FMO1: variants seen among roughly 807,000 people sequenced by gnomAD.
The protein encoded by FMO1 is flavin-containing monooxygenase 1.
A neutral mutation model predicts 45.4 loss-of-function variants in FMO1; 36 were observed. The ratio of observed to expected loss-of-function variants is 0.79; its 90% CI spans 0.61 to 1.05. The LOEUF (loss-of-function observed/expected upper bound fraction) is 1.05. FMO1 is among the 50% of genes least tolerant of loss of function. The pLI, the probability that FMO1 is intolerant of heterozygous loss-of-function variation, is 0.00. For synonymous variants in FMO1, 228 were observed against 227.2 expected, an observed-to-expected ratio of 1.00 and a Z score of -0.03; for missense variants, 615 against 640.3, an observed-to-expected ratio of 0.96 and a Z score of 0.43.
chr1:171,280,696 T>C, intron 5 of FMO1, 90 bp from the exon 6 acceptor site: 1 of 1,096,918 alleles, frequency 9.1e-7, no homozygotes, highest in Non-Finnish European at 1.4e-6. Context: ...TTTCAGTGCC[T>C]TTCCATTCAT....
intron 1 of FMO1, among the ~76,000 whole-genome samples, chr1:171,255,094 C>A (rs2101793712): frequency 6.6e-6 from 1 of 152,312 alleles, no homozygotes; most frequent in African/African-American, 2.4e-5. Flanking sequence ...AATCACAGAT[C>A]TGAGTTGATA....
At chr1:171,252,230 G>A (rs894625821) in intron 1 of FMO1, among the ~76,000 whole-genome samples, 1 of 152,062 alleles carries the variant, frequency 6.6e-6, no homozygotes, top group African/African-American at 2.4e-5. Context: ...CAGATCCTCC[G>A]ATCCCACCCC....
chr1:171,279,745 T>C (rs1430176224), intron 5 of FMO1, among the ~76,000 whole-genome samples: 1 of 152,198 alleles, frequency 6.6e-6, no homozygotes, highest in African/African-American at 2.4e-5. Context: ...TTATTCTCTT[T>C]ACCTGAAAAA....
At chr1:171,253,144 C>T (rs1041074350) in intron 1 of FMO1, among the ~76,000 whole-genome samples, 6 of 152,150 alleles carry the variant, frequency 3.9e-5, no homozygotes, top group African/African-American at 1.4e-4. Context: ...ACTTTGAAAC[C>T]GACTTTGTGT....
Position 171,282,010 on chromosome 1 carries a change from A to G in FMO1, c.860A>G (p.Glu287Gly), listed in dbSNP as rs776387460. ...TQLKEFVLND[E>G]LPGRIITGKV... ...CTGAAAGAGTTTGTGCTAAATGATG[A>G]GCTCCCAGGACGCATCATCACTGGG... Residue 287 changes from glutamate (E) to glycine (G), a missense_variant, in exon 7 of 9, where the codon GAG (glutamate) becomes GGG (glycine). Transcript: ENST00000617670. 6 of 1,610,722 alleles carry G rather than the reference A, an allele frequency of 3.7e-6. No homozygotes were observed. The African/African-American group carries it at 8.0e-5, about 22-fold the overall frequency.
intron 2 of FMO1, among the ~76,000 whole-genome samples, chr1:171,263,023 G>T (rs1466030302): frequency 6.6e-6 from 1 of 152,194 alleles, no homozygotes; most frequent in Non-Finnish European, 1.5e-5. Flanking sequence ...TCTCTATTTA[G>T]GGGTGAATTT....
At chr1:171,267,907 G>T (rs2101816794) in intron 3 of FMO1, among the ~76,000 whole-genome samples, 176 bp downstream of exon 3, 1 of 152,294 alleles carries the variant, frequency 6.6e-6, no homozygotes, top group African/African-American at 2.4e-5. Context: ...ATCTGGAGGT[G>T]GGGGAGGATA....
intron 3 of FMO1, among the ~76,000 whole-genome samples, chr1:171,269,517 T>C (rs900579995): frequency 7.9e-5 from 12 of 152,312 alleles, no homozygotes; most frequent in Non-Finnish European, 1.6e-4. Flanking sequence ...TCAGTATTCC[T>C]CCTGAAATTA....
intron 3 of FMO1, chr1:171,271,312 T>G (rs1365359712): frequency 7.5e-7 from 1 of 1,332,644 alleles, no homozygotes; most frequent in Non-Finnish European, 1.0e-6. Flanking sequence ...CTTGGGTGCA[T>G]TGGGATCCTT....
chr1:171,250,662 C>T (rs114710933), intron 1 of FMO1, among the ~76,000 whole-genome samples: 2,511 of 152,304 alleles, frequency 0.016, 38 homozygotes, highest in Middle Eastern at 0.044. Context: ...TTTATACAAC[C>T]AATAGCGATT....
At chr1:171,285,081 GA>G in intron 8 of FMO1, 120 bp from the exon 9 acceptor site, 1 of 616,492 alleles carries the variant, frequency 1.6e-6, no homozygotes, top group South Asian at 2.4e-5. Context: ...AAATAAAGGG[GA>G]AAATGCAGAA....
chr1:171,282,346 A>T lies in FMO1; in HGVS notation c.1183+13A>T, dbSNP rs529673082. The T allele has an allele frequency of 2.4e-5, 37 of 1,558,222 alleles. No homozygotes were observed. In the South Asian group the frequency reaches 4.1e-4, roughly 17 times the overall value. On this transcript the variant is annotated intron_variant, in intron 7 of 8. Coordinates refer to ENST00000617670, the MANE Select transcript of FMO1 (RefSeq NM_001282693.2). ...CGAGTCCTGAAAGGTAAGTATAAGA[A>T]ATAGCAGGGCATGTGTTTTTGGTGT... is the stretch of plus-strand genomic sequence containing the variant.
In FMO1 at chr1:171,285,299, A is replaced by G. The variant is rs772520225; in HGVS notation, c.1354A>G (p.Met452Val). The change falls in exon 9 of 9, where the codon ATG becomes GTG. Residue 452 changes from methionine to valine, a missense_variant. Met to Val is a conservative substitution (Grantham distance 21, BLOSUM62 1). Transcript: ENST00000617670. ...CAATGCAAAACCCAACCTGTTCTCT[A>G]TGCTCCTAACGGATCCACATCTGGC... ...YINAKPNLFS[M>V]LLTDPHLALT... is the part of the protein sequence containing the mutation. 2 of 1,613,938 alleles carry G rather than the reference A, an allele frequency of 1.2e-6. No homozygotes were observed. The highest frequency in any genetic ancestry group is 4.5e-5 in the East Asian group (2 of 44,874).
At chr1:171,281,104 C>T (rs1328779635) in intron 6 of FMO1, 119 bp downstream of exon 6, 3 of 769,624 alleles carry the variant, frequency 3.9e-6, no homozygotes, top group Non-Finnish European at 6.5e-6. Context: ...ACACTTGATA[C>T]AAATTTGCTT....
At chr1:171,249,793 A>C (rs1659801126) in intron 1 of FMO1, among the ~76,000 whole-genome samples, 2 of 152,150 alleles carry the variant, frequency 1.3e-5, no homozygotes, top group Admixed American at 6.5e-5. Flanking sequence ...CAAATCTGAC[A>C]GTGCCAATGG....
chr1:171,254,318 G>A (rs1215560879), intron 1 of FMO1, among the ~76,000 whole-genome samples: 1 of 152,084 alleles, frequency 6.6e-6, no homozygotes, highest in Non-Finnish European at 1.5e-5. Context: ...TCGAACTTCT[G>A]ACCTTAAGTG....
At chr1:171,284,124 TCTG>T (rs1212283073) in intron 8 of FMO1, among the ~76,000 whole-genome samples, 1 of 151,666 alleles carries the variant, frequency 6.6e-6, no homozygotes, top group Non-Finnish European at 1.5e-5. Flanking sequence ...TATCTGTTCA[TCTG>T]TTTCTGCGTT....
chr1:171,265,827 G>A (rs141059355), intron 2 of FMO1, among the ~76,000 whole-genome samples: 40 of 152,316 alleles, frequency 2.6e-4, no homozygotes, highest in African/African-American at 8.9e-4. Flanking sequence ...GGGATAATGT[G>A]TATCTAAACT....
rs376742512 is a variant in FMO1 at position 171,258,209 on chromosome 1, G to C, written c.122G>C (p.Trp41Ser). The C allele has an allele frequency of 7.4e-6, 12 of 1,614,006 alleles. No homozygotes were observed. The highest frequency in any genetic ancestry group is 1.0e-5 in the Non-Finnish European group (12 of 1,180,014). ...FERSDDLGGLWRFTEHVEEGR... is the reference protein window; with the variant it reads ...FERSDDLGGLSRFTEHVEEGR... The stretch of plus-strand genomic sequence containing the variant: ...AGGAGCGATGACCTTGGGGGGCTGT[G>C]GAGATTCACCGTAAGTGGGGTTTCA... Residue 41 changes from tryptophan to serine, a missense_variant, in exon 2 of 9, where the codon TGG becomes TCG. By Grantham distance (177) the Trp-to-Ser change is radical (BLOSUM62 -3). Coordinates refer to ENST00000617670, the MANE Select transcript of FMO1 (RefSeq NM_001282693.2).
Sources: allele counts gnomAD v4.1 joint callset (sites outside exome capture counted in the v4.1 genomes callset), GRCh38; gene constraint gnomAD v4.1.1; transcripts MANE v1.5; gene names NCBI Gene and HGNC (gene_info 2026-07-23, HGNC 2026-07-21).